The following TCERG1L variants were observed in gnomAD, a reference collection of about 807,000 sequenced individuals.
TCERG1L encodes transcription elongation regulator 1-like protein.
TCERG1L carries 37 observed loss-of-function variants against 56.3 expected under a neutral mutation model. The observed-to-expected ratio is 0.66, with a 90% CI of 0.51 to 0.87. The LOEUF is 0.87. TCERG1L is among the 40% of genes least tolerant of loss of function. The pLI, the probability that TCERG1L is intolerant of heterozygous loss-of-function variation, is 0.00. For synonymous variants in TCERG1L, 324 were observed against 326.3 expected (o/e 0.99, Z 0.08); for missense variants, 799 against 774.2 (o/e 1.03, Z -0.38).
intron 7 of TCERG1L, among the ~76,000 whole-genome samples, chr10:131,144,316 T>C (rs1207411633): frequency 2.0e-5 from 3 of 152,162 alleles, no homozygotes; most frequent in Admixed American, 6.5e-5. Context: ...CCTAGGCTTG[T>C]TATCATAATT....
intron 3 of TCERG1L, among the ~76,000 whole-genome samples, chr10:131,284,045 T>C (rs754830113): frequency 1.3e-5 from 2 of 150,034 alleles, no homozygotes; most frequent in South Asian, 4.2e-4. Flanking sequence ...GAGAATCACT[T>C]GAACCCAGGG....
At chr10:131,276,383 C>T (rs1846393728) in intron 3 of TCERG1L, among the ~76,000 whole-genome samples, 1 of 152,226 alleles carries the variant, frequency 6.6e-6, no homozygotes, top group Admixed American at 6.5e-5. Flanking sequence ...TATTTGTTTG[C>T]ACAACAACAA....
chr10:131,243,751 AG>A (rs1306856789), intron 4 of TCERG1L, among the ~76,000 whole-genome samples: 4 of 152,338 alleles, frequency 2.6e-5, no homozygotes, highest in African/African-American at 9.6e-5. Context: ...GTCAGCCACC[AG>A]GCAAAATGGC....
Position 131,260,166 on chromosome 10 carries a change from A to G in TCERG1L, c.856+93T>C. 1 of 1,242,880 alleles carries G rather than the reference A, an allele frequency of 8.0e-7. No individual in the cohort carries two copies. The highest frequency in any genetic ancestry group is 1.0e-6 in the Non-Finnish European group (1 of 993,066). 77.0% of individuals were successfully genotyped at this position (1,242,880 alleles called of 1,614,324 possible). A position where few individuals can be genotyped will look rare whatever the true frequency, so the allele number is the denominator to read the frequency against. On this transcript the variant is annotated intron_variant, in intron 4 of 11. Transcript: ENST00000368642. This position sits in a 1 kb window ranked among gnomAD's most constrained non-coding sequence, Gnocchi z 5.8. ...ACCGGAGCCGGGCTTCAGGTCCCAC[A>G]GCGCCTGGGCCCAGGCCAGGGGCAT...
At chr10:131,252,798 G>A (rs1255026094) in intron 4 of TCERG1L, among the ~76,000 whole-genome samples, 3 of 152,188 alleles carry the variant, frequency 2.0e-5, no homozygotes, top group African/African-American at 7.2e-5. Flanking sequence ...AGTACACTAT[G>A]ACATGTCCTG....
At chr10:131,115,125 C>T (rs1262341287) in intron 9 of TCERG1L, among the ~76,000 whole-genome samples, 1 of 152,256 alleles carries the variant, frequency 6.6e-6, no homozygotes, top group South Asian at 2.1e-4. Flanking sequence ...TAAGACACTG[C>T]CGCCAGGGCA....
chr10:131,172,929 A>C (rs2133442490), intron 4 of TCERG1L, among the ~76,000 whole-genome samples: 1 of 137,220 alleles, frequency 7.3e-6, no homozygotes, highest in Admixed American at 8.0e-5. Flanking sequence ...TGCTCTTGTC[A>C]TCCAGGCTTG....
chr10:131,141,166 G>A (rs1845734624), intron 7 of TCERG1L, among the ~76,000 whole-genome samples: 1 of 152,100 alleles, frequency 6.6e-6, no homozygotes, highest in Non-Finnish European at 1.5e-5. Flanking sequence ...AATCATAATG[G>A]GGAACCTCTC....
At chr10:131,220,417 T>G (rs1845716893) in intron 4 of TCERG1L, among the ~76,000 whole-genome samples, 1 of 152,212 alleles carries the variant, frequency 6.6e-6, no homozygotes, top group Admixed American at 6.5e-5. Context: ...GAAACCCTGG[T>G]CAGCGTTTGC....
chr10:131,166,729 G>T, intron 5 of TCERG1L, 68 bp downstream of exon 5: 1 of 1,484,534 alleles, frequency 6.7e-7, no homozygotes, highest in Non-Finnish European at 9.4e-7. Context: ...GCGTGAGGGT[G>T]TCCTGGCCCT....
chr10:131,119,276 G>A (rs1312171778), intron 8 of TCERG1L, among the ~76,000 whole-genome samples: 2 of 152,130 alleles, frequency 1.3e-5, no homozygotes, highest in Non-Finnish European at 2.9e-5. Context: ...GCTGTAATAT[G>A]GATTAATCCC....
chr10:131,207,781 G>A (rs932802911), intron 4 of TCERG1L, among the ~76,000 whole-genome samples: 6 of 152,120 alleles, frequency 3.9e-5, no homozygotes, highest in Non-Finnish European at 7.4e-5. Context: ...CTCACAGCTC[G>A]GGCTTCCCAT....
chr10:131,170,702 G>T (rs1846080401), intron 4 of TCERG1L, among the ~76,000 whole-genome samples: 1 of 152,200 alleles, frequency 6.6e-6, no homozygotes, highest in Non-Finnish European at 1.5e-5. Flanking sequence ...CGTCCTTGCT[G>T]GTGGGGAAGA....
At chr10:131,282,401 T>C (rs1333800883) in intron 3 of TCERG1L, among the ~76,000 whole-genome samples, 5 of 152,190 alleles carry the variant, frequency 3.3e-5, no homozygotes, top group Admixed American at 3.3e-4. Context: ...TTTACAAAAA[T>C]GTGTAGTGGT....
intron 3 of TCERG1L, among the ~76,000 whole-genome samples, chr10:131,286,782 A>G (rs1798222181): frequency 6.6e-6 from 1 of 152,196 alleles, no homozygotes; most frequent in African/African-American, 2.4e-5. Context: ...TGAATTATCT[A>G]TAAACTATAC....
At chr10:131,166,751 C>T (rs375621823) in intron 5 of TCERG1L, 46 bp downstream of exon 5, 3 of 1,588,900 alleles carry the variant, frequency 1.9e-6, no homozygotes, top group African/African-American at 1.3e-5. Flanking sequence ...GTCCTCCACA[C>T]CCAGGGTTTT....
intron 4 of TCERG1L, among the ~76,000 whole-genome samples, chr10:131,209,712 T>C (rs769368839): frequency 4.5e-4 from 68 of 152,222 alleles, no homozygotes; most frequent in Non-Finnish European, 7.1e-4. Context: ...AGTATCATAG[T>C]AGGGCAATAA....
rs1845330281 is a variant in TCERG1L at position 131,104,338 on chromosome 10, G to C, written c.1412C>G (p.Thr471Ser). ...GATTTTGTGTAATTCTTTCTCCCAG[G>C]TAGAAAATGCTGATACCTAAAGAAA... Reference protein sequence around the residue: ...LLERGVSAFSTWEKELHKIVF... With the variant: ...LLERGVSAFSSWEKELHKIVF... The change falls in exon 10 of 12, where the codon ACC becomes AGC. Residue 471 changes from threonine to serine, a missense_variant. Transcript: ENST00000368642. The C allele has an allele frequency of 6.5e-7, 1 of 1,547,010 alleles. No homozygotes were observed. Among genetic ancestry groups the C allele is most frequent in the Non-Finnish European group, 8.8e-7 (1 of 1,142,812 alleles).
chr10:131,129,014 C>T (rs746445230), intron 8 of TCERG1L, among the ~76,000 whole-genome samples: 2 of 152,094 alleles, frequency 1.3e-5, no homozygotes, highest in South Asian at 2.1e-4. Flanking sequence ...TCCAGGAATG[C>T]GATGATCTAT....
Sources: allele counts gnomAD v4.1 joint callset (sites outside exome capture counted in the v4.1 genomes callset), GRCh38; gene constraint gnomAD v4.1.1; non-coding constraint Gnocchi (gnomAD v3.1); transcripts MANE v1.5; gene names NCBI Gene and HGNC (gene_info 2026-07-23, HGNC 2026-07-21).